DPYD: variants seen among roughly 807,000 people sequenced by gnomAD.
DPYD encodes dihydropyrimidine dehydrogenase [NADP(+)].
A neutral mutation model predicts 116.2 loss-of-function variants in DPYD; 109 were observed. The ratio of observed to expected loss-of-function variants is 0.94; its 90% CI spans 0.80 to 1.10. The LOEUF (loss-of-function observed/expected upper bound fraction) is 1.10. Among genes scored for constraint, DPYD ranks in the 50% least tolerant of loss-of-function variants. DPYD has a pLI of 0.00. For synonymous variants in DPYD, 440 were observed against 432.0 expected, an observed-to-expected ratio of 1.02 and a Z score of -0.23; for missense variants, 1,302 against 1,254.5, an observed-to-expected ratio of 1.04 and a Z score of -0.57.
intron 13 of DPYD, among the ~76,000 whole-genome samples, chr1:97,476,212 T>G (rs1177678415): frequency 6.6e-6 from 1 of 152,214 alleles, no homozygotes; most frequent in Non-Finnish European, 1.5e-5. Flanking sequence ...TGTAACAGAT[T>G]CATCTCAGAT....
rs1296901197 is a variant in DPYD, at chr1:97,113,365, A to G, written c.2623-14733T>C. 3.3e-5 allele frequency among the ~76,000 whole-genome samples: 5 copies of G among 152,106 alleles called. No individual in the cohort carries two copies. In the East Asian group the frequency reaches 5.8e-4, roughly 18 times the overall value. On this transcript the variant is annotated intron_variant, in intron 20 of 22. Transcript: ENST00000370192. ...TATTGACTATCAGAAAGGAAAGGTAAGAAAAGGTAATAAATTGATCTAGCT... is the reference window on the plus strand; with the variant it reads ...TATTGACTATCAGAAAGGAAAGGTAGGAAAAGGTAATAAATTGATCTAGCT...
At chr1:97,272,913 A>T (rs777113824) in intron 18 of DPYD, among the ~76,000 whole-genome samples, 28 of 152,118 alleles carry the variant, frequency 1.8e-4, no homozygotes, top group Admixed American at 1.8e-3. Context: ...GCTAAAATGA[A>T]ACAAGTGTGT....
intron 20 of DPYD, among the ~76,000 whole-genome samples, chr1:97,170,757 C>T (rs1656667155): frequency 6.6e-6 from 1 of 151,734 alleles, no homozygotes; most frequent in Non-Finnish European, 1.5e-5. Context: ...CTCACTGCAA[C>T]CTCCGCCTCC....
At chr1:97,249,592 C>T (rs1662945917) in intron 18 of DPYD, among the ~76,000 whole-genome samples, 1 of 150,410 alleles carries the variant, frequency 6.6e-6, no homozygotes, top group Admixed American at 6.6e-5. Flanking sequence ...AAAGCAACGA[C>T]TAATTTAAAA....
intron 18 of DPYD, among the ~76,000 whole-genome samples, chr1:97,285,038 G>C (rs998857258): frequency 2.0e-5 from 3 of 152,134 alleles, no homozygotes; most frequent in Admixed American, 6.6e-5. Flanking sequence ...AACGGGTCTG[G>C]ATCAAAGCCA....
At chr1:97,734,938 C>T (rs140223427) in intron 4 of DPYD, among the ~76,000 whole-genome samples, 6 of 152,052 alleles carry the variant, frequency 3.9e-5, no homozygotes, top group Non-Finnish European at 8.8e-5. Flanking sequence ...CACCTAGGTC[C>T]CACCTGGAAC....
At chr1:97,673,701 G>C (rs1380747065) in intron 8 of DPYD, among the ~76,000 whole-genome samples, 2 of 152,112 alleles carry the variant, frequency 1.3e-5, no homozygotes, top group Non-Finnish European at 2.9e-5. Context: ...TCTGAACATA[G>C]AGAGCAGGAA....
At chr1:97,762,864 C>G (rs542232108) in intron 3 of DPYD, among the ~76,000 whole-genome samples, 1 of 152,014 alleles carries the variant, frequency 6.6e-6, no homozygotes, top group Non-Finnish European at 1.5e-5. Flanking sequence ...GACTTAGATT[C>G]AAATCCTGAT....
chr1:97,417,107 T>C (rs929571974), intron 14 of DPYD, among the ~76,000 whole-genome samples: 2 of 152,178 alleles, frequency 1.3e-5, no homozygotes, highest in African/African-American at 4.8e-5. Context: ...AGAGAGGCCA[T>C]ATAATCTAGT....
intron 8 of DPYD, among the ~76,000 whole-genome samples, chr1:97,626,925 G>A (rs954378301): frequency 1.8e-4 from 27 of 151,794 alleles, no homozygotes; most frequent in African/African-American, 5.3e-4. Context: ...TCTTAGTTCC[G>A]GCTTCTATGT....
chr1:97,710,740 C>T (rs1408655806), intron 5 of DPYD, among the ~76,000 whole-genome samples: 1 of 151,618 alleles, frequency 6.6e-6, no homozygotes, highest in Non-Finnish European at 1.5e-5. Context: ...ATAGACTCTC[C>T]AGTAACTAGC....
intron 14 of DPYD, among the ~76,000 whole-genome samples, chr1:97,408,283 G>A (rs1673788598): frequency 6.6e-6 from 1 of 152,154 alleles, no homozygotes; most frequent in Non-Finnish European, 1.5e-5. Context: ...ACGACCACGT[G>A]ACCAGCTACA....
At chr1:97,418,641 T>A (rs1296347259) in intron 14 of DPYD, among the ~76,000 whole-genome samples, 1 of 152,030 alleles carries the variant, frequency 6.6e-6, no homozygotes, top group Non-Finnish European at 1.5e-5. Context: ...CGTTTTCCCA[T>A]GAGAAAATAT....
intron 8 of DPYD, among the ~76,000 whole-genome samples, chr1:97,675,991 C>T (rs1404070713): frequency 6.6e-6 from 1 of 152,122 alleles, no homozygotes; most frequent in Admixed American, 6.5e-5. Flanking sequence ...TCATGATCCA[C>T]CCGCCTCGGC....
At chr1:97,318,192 C>T (rs367790325) in intron 16 of DPYD, among the ~76,000 whole-genome samples, 2 of 145,368 alleles carry the variant, frequency 1.4e-5, no homozygotes, top group African/African-American at 5.0e-5. Flanking sequence ...AAATCACCAG[C>T]TAACATCATA....
chr1:97,521,500 T>G (rs555601726), intron 12 of DPYD, among the ~76,000 whole-genome samples: 2 of 152,250 alleles, frequency 1.3e-5, no homozygotes, highest in East Asian at 1.9e-4. Flanking sequence ...AATTTACAGA[T>G]TCAATGCTAT....
intron 3 of DPYD, among the ~76,000 whole-genome samples, chr1:97,811,431 C>T (rs979683505): frequency 2.0e-5 from 3 of 152,068 alleles, no homozygotes; most frequent in African/African-American, 7.2e-5. Context: ...GCCACTGTGC[C>T]TTCAATGGCC....
chr1:97,772,316 A>T (rs147926346), intron 3 of DPYD, among the ~76,000 whole-genome samples: 37 of 152,308 alleles, frequency 2.4e-4, no homozygotes, highest in African/African-American at 8.9e-4. Context: ...GTTTGACCTT[A>T]AAGAACTCAG....
intron 5 of DPYD, among the ~76,000 whole-genome samples, chr1:97,718,698 C>T (rs1557905282): frequency 6.6e-6 from 1 of 151,402 alleles, no homozygotes; most frequent in Non-Finnish European, 1.5e-5. Context: ...TATGTAAAAT[C>T]GTTTTTTTTC....
Sources: allele counts gnomAD v4.1 joint callset (sites outside exome capture counted in the v4.1 genomes callset), GRCh38; gene constraint gnomAD v4.1.1; transcripts MANE v1.5; gene names NCBI Gene and HGNC (gene_info 2026-07-23, HGNC 2026-07-21).